SMIM31: variants seen among roughly 807,000 people sequenced by gnomAD.
The protein encoded by SMIM31 is small integral membrane protein 31, also known as human epithelial cell program regulator.
rs1038926518 is a variant in SMIM31 at position 164,803,232 on chromosome 4, A to C, written c.*2038A>C. 1 of 152,194 alleles carries C rather than the reference A, an allele frequency of 6.6e-6. No homozygotes were observed. Among genetic ancestry groups the C allele is most frequent in the Non-Finnish European group, 1.5e-5 (1 of 68,044 alleles). 9.4% of individuals were successfully genotyped at this position (152,194 alleles called of 1,614,324 possible). ...CATTCACTCCCTTAGCCCATCTTAC[A>C]TATATTACTGCATTGACTGGAAATG... On this transcript the variant is annotated 3_prime_UTR_variant, in exon 3 of 3. Coordinates refer to ENST00000507311, the MANE Select transcript of SMIM31 (RefSeq NM_001352885.1).
chr4:164,769,487 C>T (rs1373666426), intron 1 of SMIM31, among the ~76,000 whole-genome samples: 5 of 150,312 alleles, frequency 3.3e-5, no homozygotes, highest in African/African-American at 1.2e-4. Context: ...AGCAAACTAT[C>T]GCAAGGACAA....
At chr4:164,774,320 C>A (rs1732853726) in intron 2 of SMIM31, among the ~76,000 whole-genome samples, 1 of 152,076 alleles carries the variant, frequency 6.6e-6, no homozygotes, top group Non-Finnish European at 1.5e-5. Flanking sequence ...TGCAAGGTGA[C>A]ATCACACATG....
intron 2 of SMIM31, among the ~76,000 whole-genome samples, chr4:164,783,056 A>G (rs915952445): frequency 1.3e-5 from 2 of 151,354 alleles, no homozygotes; most frequent in African/African-American, 4.9e-5. Context: ...CATCTCTACT[A>G]AAAATACAAA....
At chr4:164,785,036 C>T (rs1733009582) in intron 2 of SMIM31, among the ~76,000 whole-genome samples, 1 of 151,890 alleles carries the variant, frequency 6.6e-6, no homozygotes, top group African/African-American at 2.4e-5. Context: ...CCAGCTTGGG[C>T]AACGTGGCAA....
chr4:164,759,756 C>T (rs778543935), intron 1 of SMIM31, among the ~76,000 whole-genome samples: 1 of 152,150 alleles, frequency 6.6e-6, no homozygotes. Flanking sequence ...AAGCACTGTT[C>T]TAGGCTCAGC....
chr4:164,771,480 G>T (rs1444761722), intron 2 of SMIM31, among the ~76,000 whole-genome samples: 1 of 152,110 alleles, frequency 6.6e-6, no homozygotes, highest in Non-Finnish European at 1.5e-5. Context: ...CTTCTACCTT[G>T]GTTCTTTCCA....
intron 2 of SMIM31, among the ~76,000 whole-genome samples, chr4:164,786,932 A>G (rs1733032628): frequency 6.6e-6 from 1 of 152,220 alleles, no homozygotes; most frequent in Middle Eastern, 3.2e-3. Context: ...AATAGGAATC[A>G]TAGCTCAAAC....
chr4:164,779,274 G>C (rs1342081212), intron 2 of SMIM31, among the ~76,000 whole-genome samples: 3 of 152,118 alleles, frequency 2.0e-5, no homozygotes, highest in African/African-American at 4.8e-5. Flanking sequence ...TAAACTATTG[G>C]GCATGCTGAG....
intron 2 of SMIM31, among the ~76,000 whole-genome samples, chr4:164,794,995 T>G (rs1174393844): frequency 6.6e-6 from 1 of 151,984 alleles, no homozygotes; most frequent in Non-Finnish European, 1.5e-5. Context: ...AAAGAATAAC[T>G]TTCACTTCTT....
At chr4:164,755,539 A>G (rs183471668) in intron 1 of SMIM31, among the ~76,000 whole-genome samples, 822 of 11,382 alleles carry the variant, frequency 0.072, 10 homozygotes, top group African/African-American at 0.2. Context: ...GGGAGAGGAG[A>G]GGAGGGGAGG....
intron 1 of SMIM31, among the ~76,000 whole-genome samples, chr4:164,758,390 A>C (rs1732594963): frequency 6.6e-6 from 1 of 152,158 alleles, no homozygotes; most frequent in Non-Finnish European, 1.5e-5. Flanking sequence ...CATTGGCTAA[A>C]GCCTTCAGTG....
At chr4:164,788,361 G>A (rs1477895092) in intron 2 of SMIM31, among the ~76,000 whole-genome samples, 1 of 151,690 alleles carries the variant, frequency 6.6e-6, no homozygotes, top group Non-Finnish European at 1.5e-5. Context: ...TTTTATAAAA[G>A]GGGAAACAGA....
intron 2 of SMIM31, among the ~76,000 whole-genome samples, chr4:164,773,212 TGGCATACTATTTC>T (rs1471783332): frequency 6.6e-6 from 1 of 152,116 alleles, no homozygotes; most frequent in Non-Finnish European, 1.5e-5. Flanking sequence ...AGAAGGAGGC[TGGCATACTATTTC>T]AGCACAGAGC....
intron 1 of SMIM31, among the ~76,000 whole-genome samples, chr4:164,755,442 T>C (rs543036357): frequency 1.9e-3 from 276 of 147,294 alleles, no homozygotes; most frequent in African/African-American, 6.7e-3. Context: ...ACCACGCCAC[T>C]GCACTCCAGC....
chr4:164,766,370 G>A (rs1009406710), intron 1 of SMIM31, among the ~76,000 whole-genome samples: 7 of 151,968 alleles, frequency 4.6e-5, no homozygotes, highest in Non-Finnish European at 1.0e-4. Context: ...GCATCCACTC[G>A]TTTATGGTCA....
intron 1 of SMIM31, among the ~76,000 whole-genome samples, chr4:164,756,755 G>A (rs1362359726): frequency 6.6e-6 from 1 of 151,952 alleles, no homozygotes; most frequent in Non-Finnish European, 1.5e-5. Context: ...TGTCTTGTAT[G>A]TATCACAAAA....
chr4:164,802,987 G>GA lies in SMIM31; in HGVS notation c.*1799dup, dbSNP rs572573200. On this transcript the variant is annotated 3_prime_UTR_variant, in exon 3 of 3. Transcript: ENST00000507311. ...TTCTCTGAGCCTTGGTGTTCTCTCT[G>GA]AAAAAATGAGCATTTTAAAAAATCT... The GA allele has an allele frequency of 2.0e-3, 311 of 152,228 alleles. 2 individuals carry two copies. Among genetic ancestry groups the GA allele is most frequent in the African/African-American group, 7.2e-3 (301 of 41,522 alleles). 9.4% of individuals were successfully genotyped at this position (152,228 alleles called of 1,614,324 possible).
At chr4:164,800,601 C>A (rs1005198321) in intron 2 of SMIM31, among the ~76,000 whole-genome samples, 6 of 152,174 alleles carry the variant, frequency 3.9e-5, no homozygotes, top group Non-Finnish European at 8.8e-5. Flanking sequence ...CCAGAACAGA[C>A]TGAGATGGGT....
chr4:164,770,776 CA>C (rs1732789882), intron 2 of SMIM31, among the ~76,000 whole-genome samples: 1 of 152,052 alleles, frequency 6.6e-6, no homozygotes, highest in Non-Finnish European at 1.5e-5. Flanking sequence ...AAAGCCCAAA[CA>C]TTTAAAAAAA....
Sources: gnomAD v4.1 joint callset for allele counts (sites outside exome capture counted in the v4.1 genomes callset) on GRCh38, gnomAD v4.1.1 for gene constraint, MANE v1.5 for transcripts, NCBI Gene and HGNC (gene_info 2026-07-23, HGNC 2026-07-21) for gene names.